The following MLLT10 variants were observed in gnomAD, a reference collection of about 807,000 sequenced individuals.
The protein encoded by MLLT10 is protein AF-10.
Under a neutral mutation model 129.1 loss-of-function variants are expected in MLLT10, and 30 were observed. The ratio of observed to expected loss-of-function variants is 0.23; its 90% CI spans 0.17 to 0.32. The LOEUF (loss-of-function observed/expected upper bound fraction) is 0.32. MLLT10 is among the 10% of genes least tolerant of loss of function. The pLI, the probability that MLLT10 is intolerant of heterozygous loss-of-function variation, is 1.00. For missense variants in MLLT10, 1,119 were observed against 1,268.3 expected, an observed-to-expected ratio of 0.88 and a Z score of 1.79; for synonymous variants, 490 against 446.4, an observed-to-expected ratio of 1.10 and a Z score of -1.23.
At chr10:21,678,445 G>A (rs944110518) in intron 11 of MLLT10, among the ~76,000 whole-genome samples, 1 of 152,158 alleles carries the variant, frequency 6.6e-6, no homozygotes, top group Non-Finnish European at 1.5e-5. Flanking sequence ...GCCAGTTTAT[G>A]ATGAAAAGTA....
chr10:21,673,318 C>CCATTTT, intron 10 of MLLT10, 32 bp from the exon 11 acceptor site: 1 of 307,340 alleles, frequency 3.3e-6, no homozygotes, highest in Non-Finnish European at 5.0e-6. Flanking sequence ...CACCCCCCAA[C>CCATTTT]TTTTTTTTTT....
At chr10:21,628,731 G>C (rs552464024) in intron 8 of MLLT10, among the ~76,000 whole-genome samples, 3 of 135,046 alleles carry the variant, frequency 2.2e-5, no homozygotes, top group African/African-American at 8.5e-5. Context: ...ATGAACCACT[G>C]TGCCCTGCCT....
rs1251708876 is a variant in MLLT10 at position 21,733,568 on chromosome 10, T to A, written c.2472T>A (p.Asp824Glu). The part of the protein sequence containing the change: ...SPHIGNSFLP[D>E]NSLPVLNQDL... Reference sequence around the variant, plus strand: ...ATATAGGAAACAGCTTTTTACCTGATAATTCTCTTCCTGTATTAAATCAGG... The same window carrying A: ...ATATAGGAAACAGCTTTTTACCTGAAAATTCTCTTCCTGTATTAAATCAGG... The change falls in exon 19 of 23, where the codon GAT becomes GAA. Residue 824 changes from aspartate (D) to glutamate (E), a missense_variant. Physicochemically the swap from Asp to Glu is conservative, Grantham distance 45. Coordinates refer to ENST00000307729, the MANE Select transcript of MLLT10 (RefSeq NM_001195626.3). 2 of 1,574,964 alleles carry A rather than the reference T, an allele frequency of 1.3e-6. No individual in the cohort carries two copies. The highest frequency in any genetic ancestry group is 1.7e-6 in the Non-Finnish European group (2 of 1,164,590).
intron 3 of MLLT10, among the ~76,000 whole-genome samples, chr10:21,573,639 T>A (rs2040441395): frequency 6.6e-6 from 1 of 151,856 alleles, no homozygotes; most frequent in Non-Finnish European, 1.5e-5. Context: ...CAATCTCTGC[T>A]CAGTGTAACC....
intron 3 of MLLT10, chr10:21,564,590 A>G (rs1388129885): frequency 6.6e-6 from 1 of 151,820 alleles, no homozygotes; most frequent in Non-Finnish European, 1.5e-5. Flanking sequence ...GTACCTTTAT[A>G]TGTCCTCTGT....
At chr10:21,545,183 A>G (rs950943600) in intron 3 of MLLT10, among the ~76,000 whole-genome samples, 4 of 152,172 alleles carry the variant, frequency 2.6e-5, no homozygotes, top group South Asian at 2.1e-4. Flanking sequence ...AATTTAGGAT[A>G]CAGTTACAGA....
intron 8 of MLLT10, among the ~76,000 whole-genome samples, chr10:21,644,266 C>G (rs951668896): frequency 6.6e-6 from 1 of 152,018 alleles, no homozygotes; most frequent in Non-Finnish European, 1.5e-5. Flanking sequence ...TTATTTTTTG[C>G]CTGTAGTTTC....
At chr10:21,704,357 C>CTATATA (rs3032384) in intron 13 of MLLT10, among the ~76,000 whole-genome samples, 22 of 111,870 alleles carry the variant, frequency 2.0e-4, no homozygotes, top group African/African-American at 3.3e-4. Flanking sequence ...CTCTCTCTCT[C>CTATATA]TATATATATA....
intron 3 of MLLT10, among the ~76,000 whole-genome samples, chr10:21,540,329 G>A (rs1045476106): frequency 6.6e-6 from 1 of 151,924 alleles, no homozygotes. Context: ...GCCAGAGGTT[G>A]CAGTGAGCCA....
At chr10:21,601,021 G>T (rs547994663) in intron 5 of MLLT10, among the ~76,000 whole-genome samples, 57 of 152,158 alleles carry the variant, frequency 3.7e-4, no homozygotes, top group African/African-American at 1.3e-3. Context: ...ACAGCTCACT[G>T]TAGCTTCTAC....
At chr10:21,738,967 C>T (rs922847548) in intron 21 of MLLT10, among the ~76,000 whole-genome samples, 37 of 152,280 alleles carry the variant, frequency 2.4e-4, no homozygotes, top group African/African-American at 8.2e-4. Flanking sequence ...GCTGCTCACT[C>T]AGTAGCTCCG....
chr10:21,722,570 C>T (rs2057208811), intron 14 of MLLT10, among the ~76,000 whole-genome samples: 1 of 152,070 alleles, frequency 6.6e-6, no homozygotes, highest in African/African-American at 2.4e-5. Context: ...CTTCCTTTCC[C>T]CTGAATCTTA....
chr10:21,626,360 G>T lies in MLLT10; in HGVS notation c.699+9153G>T, dbSNP rs114108192. 2,098 of 673,238 alleles carry T rather than the reference G, an allele frequency of 3.1e-3. 24 individuals carry two copies. In the African/African-American group the frequency reaches 0.033, roughly 10 times the overall value. The allele number at this position is 673,238 out of a possible 1,614,324, so 41.7% of individuals were successfully genotyped here. A position where few individuals can be genotyped will look rare whatever the true frequency, so the allele number is the denominator to read the frequency against. On this transcript the variant is annotated intron_variant, in intron 8 of 22. Transcript: ENST00000307729. The stretch of plus-strand genomic sequence containing the variant: ...CATTTTGAAAATGACTAGAAATCTC[G>T]CACGCGTGCCACCCCCCAAGTCTAT...
At chr10:21,735,036 TAA>T (rs1461124443) in intron 20 of MLLT10, 101 bp from the exon 21 acceptor site, 35 of 779,838 alleles carry the variant, frequency 4.5e-5, no homozygotes, top group South Asian at 6.7e-5. Context: ...GAATTGTACT[TAA>T]GTTATTAAAC....
chr10:21,558,733 A>G (rs1265176725), intron 3 of MLLT10, among the ~76,000 whole-genome samples: 2 of 152,010 alleles, frequency 1.3e-5, no homozygotes, highest in African/African-American at 2.4e-5. Flanking sequence ...AGAGACATCT[A>G]TTTGTTTTGA....
intron 8 of MLLT10, among the ~76,000 whole-genome samples, chr10:21,617,747 C>A (rs2045403926): frequency 6.6e-6 from 1 of 152,122 alleles, no homozygotes; most frequent in Admixed American, 6.5e-5. Context: ...TTCTGACTTG[C>A]CTGTTTTTCC....
chr10:21,672,167 CAGTGTGTG>C (rs2051491821), intron 10 of MLLT10, among the ~76,000 whole-genome samples: 1 of 76,604 alleles, frequency 1.3e-5, no homozygotes, highest in African/African-American at 6.7e-5. Context: ...TCCAGGTTTT[CAGTGTGTG>C]TGTGTGTGTG....
chr10:21,655,165 A>G (rs1289863415), intron 9 of MLLT10, among the ~76,000 whole-genome samples: 2 of 152,210 alleles, frequency 1.3e-5, no homozygotes, highest in Non-Finnish European at 2.9e-5. Flanking sequence ...AGACAAGATC[A>G]TTGGAAGAGA....
At chr10:21,560,276 G>C (rs372433692) in intron 3 of MLLT10, among the ~76,000 whole-genome samples, 6 of 152,200 alleles carry the variant, frequency 3.9e-5, no homozygotes, top group African/African-American at 1.4e-4. Context: ...AAAGTGCTGG[G>C]ATTTGAGCCA....
Sources: allele counts gnomAD v4.1 joint callset (sites outside exome capture counted in the v4.1 genomes callset), GRCh38; gene constraint gnomAD v4.1.1; transcripts MANE v1.5; gene names NCBI Gene and HGNC (gene_info 2026-07-23, HGNC 2026-07-21).